PKHD1: variants seen among roughly 807,000 people sequenced by gnomAD.
PKHD1 encodes fibrocystin.
A neutral mutation model predicts 412.0 loss-of-function variants in PKHD1; 291 were observed. The ratio of observed to expected loss-of-function variants is 0.71; its 90% CI spans 0.64 to 0.78. PKHD1 has a LOEUF of 0.78. PKHD1 is among the 30% of genes least tolerant of loss of function. The probability of loss-of-function intolerance (pLI) is 0.00; values close to 1 mark genes in which losing one functional copy is unlikely to be tolerated. For synonymous variants in PKHD1, 1,777 were observed against 1,821.5 expected, an observed-to-expected ratio of 0.98 and a Z score of 0.62; for missense variants, 4,825 against 4,950.7, an observed-to-expected ratio of 0.97 and a Z score of 0.76.
chr6:51,619,272 C>T lies in PKHD1; in HGVS notation c.12034G>A (p.Ala4012Thr), dbSNP rs2150239853. 6.2e-7 allele frequency: 1 copy of T among 1,614,258 alleles called. No homozygotes were observed. The highest frequency in any genetic ancestry group is 1.1e-5 in the South Asian group (1 of 91,088). Residue 4012 changes from alanine to threonine, a missense_variant, in exon 67 of 67, where the codon GCA becomes ACA. Coordinates refer to ENST00000371117, the MANE Select transcript of PKHD1 (RefSeq NM_138694.4). ...GQEQLLRYQL[A>T]GQNQLLLLCP... ...AGCAGCAGCAGCTGATTTTGGCCTG[C>T]CAGCTGGTATCTGAGCAACTGCTCT...
At chr6:51,894,512 C>G (rs1404131270) in intron 43 of PKHD1, among the ~76,000 whole-genome samples, 1 of 152,208 alleles carries the variant, frequency 6.6e-6, no homozygotes, top group Non-Finnish European at 1.5e-5. Flanking sequence ...AGTGAACTAG[C>G]AAGGTGACTG....
rs116529217 is a variant in PKHD1, at chr6:51,845,781, T to C, written c.8107+1994A>G. Reference sequence around the variant, plus strand: ...GCTATTAATTCAATTAATAATGCTATCATAAGGGAAGAAAATCTATAGCTG... The same window carrying C: ...GCTATTAATTCAATTAATAATGCTACCATAAGGGAAGAAAATCTATAGCTG... On this transcript the variant is annotated intron_variant, in intron 50 of 66. Transcript: ENST00000371117. 2.5e-3 allele frequency among the ~76,000 whole-genome samples: 381 copies of C among 152,340 alleles called. 4 individuals carry two copies. The highest frequency in any genetic ancestry group is 8.2e-3 in the African/African-American group (341 of 41,584).
At chr6:52,013,027 C>G (rs534561644) in intron 34 of PKHD1, among the ~76,000 whole-genome samples, 93 of 152,146 alleles carry the variant, frequency 6.1e-4, no homozygotes, top group Admixed American at 9.2e-4. Context: ...TTATGTGACC[C>G]CTTCTCATGG....
In PKHD1 at chr6:51,768,599, A is replaced by G. The variant is rs114201180; in HGVS notation, c.8642+4103T>C. On this transcript the variant is annotated intron_variant, in intron 55 of 66. Transcript: ENST00000371117. ...TTTTCAGATAATTCTCTAGTTTTAT[A>G]GGATGAAATATCCATTTTATAAACC... 5.9e-3 allele frequency among the ~76,000 whole-genome samples: 903 copies of G among 152,138 alleles called. 9 individuals carry two copies. The highest frequency in any genetic ancestry group is 0.018 in the African/African-American group (744 of 41,580).
chr6:51,991,162 T>G (rs1042427950), intron 35 of PKHD1, among the ~76,000 whole-genome samples: 5 of 152,186 alleles, frequency 3.3e-5, no homozygotes, highest in Non-Finnish European at 5.9e-5. Context: ...CTTCACTTAT[T>G]TGGGTCTCCA....
intron 53 of PKHD1, among the ~76,000 whole-genome samples, chr6:51,781,976 A>G (rs1792091029): frequency 1.3e-5 from 2 of 151,774 alleles, no homozygotes; most frequent in South Asian, 4.1e-4. Context: ...AAAAAAAATC[A>G]TTCATTCATT....
chr6:51,743,200 A>G (rs1784778334), intron 60 of PKHD1, among the ~76,000 whole-genome samples: 1 of 152,162 alleles, frequency 6.6e-6, no homozygotes, highest in Non-Finnish European at 1.5e-5. Context: ...TAGAAGAAAG[A>G]AGACCAGCAA....
At chr6:51,988,700 A>G (rs1796504829) in intron 35 of PKHD1, among the ~76,000 whole-genome samples, 1 of 152,226 alleles carries the variant, frequency 6.6e-6, no homozygotes, top group Admixed American at 6.5e-5. Flanking sequence ...GATCCATTTA[A>G]AACTCAAAAA....
At chr6:51,927,907 G>T (rs1785933189) in intron 37 of PKHD1, among the ~76,000 whole-genome samples, 1 of 151,922 alleles carries the variant, frequency 6.6e-6, no homozygotes, top group Admixed American at 6.6e-5. Flanking sequence ...CCCAAGTGGG[G>T]CTTCCACATT....
rs781101323 is a variant in PKHD1 at position 51,619,237 on chromosome 6, G to A, written c.12069C>T (p.Asp4023=). The A allele has an allele frequency of 1.2e-6, 2 of 1,614,264 alleles. No homozygotes were observed. Among genetic ancestry groups the A allele is most frequent in the Non-Finnish European group, 1.7e-6 (2 of 1,180,046 alleles). ...GQNQLLLLCP[D]FRQERQQLPG... ...GCAACTGCTGCCTCTCTTGTCTGAA[G>A]TCTGGGCATAGCAGCAGCAGCTGAT... Residue 4023 remains aspartate, a synonymous_variant, in exon 67 of 67, where the codon GAC becomes GAT. Transcript: ENST00000371117.
chr6:51,668,219 C>T (rs1774203603), intron 60 of PKHD1, among the ~76,000 whole-genome samples: 1 of 151,966 alleles, frequency 6.6e-6, no homozygotes, highest in African/African-American at 2.4e-5. Context: ...TCTTTTATTT[C>T]ATTGAGCAGT....
chr6:51,688,511 A>G (rs1031385352), intron 60 of PKHD1, among the ~76,000 whole-genome samples: 1 of 141,090 alleles, frequency 7.1e-6, no homozygotes, highest in Non-Finnish European at 1.6e-5. Context: ...AAACACACAC[A>G]AAAAAAAAAA....
At chr6:51,881,862 G>A (rs140108547) in intron 46 of PKHD1, among the ~76,000 whole-genome samples, 1 of 152,156 alleles carries the variant, frequency 6.6e-6, no homozygotes, top group East Asian at 1.9e-4. Flanking sequence ...TTCCACCAGG[G>A]GACTCTTGTC....
intron 64 of PKHD1, among the ~76,000 whole-genome samples, chr6:51,637,703 A>C (rs1768765947): frequency 6.6e-6 from 1 of 152,084 alleles, no homozygotes; most frequent in South Asian, 2.1e-4. Context: ...CAGAAATTCG[A>C]GACCAGCCTG....
chr6:52,030,129 G>C (rs1423510100), intron 29 of PKHD1, among the ~76,000 whole-genome samples: 2 of 152,210 alleles, frequency 1.3e-5, no homozygotes, highest in Non-Finnish European at 2.9e-5. Flanking sequence ...GTATCTATGG[G>C]ATGCCACGGC....
chr6:51,978,166 A>G (rs556601300), intron 35 of PKHD1, among the ~76,000 whole-genome samples: 14 of 152,242 alleles, frequency 9.2e-5, no homozygotes, highest in African/African-American at 2.9e-4. Flanking sequence ...AAGGAAGGAG[A>G]TGGAGAGAAG....
chr6:51,987,140 TGAG>T (rs1170368754), intron 35 of PKHD1, among the ~76,000 whole-genome samples: 2 of 152,224 alleles, frequency 1.3e-5, no homozygotes, highest in Non-Finnish European at 2.9e-5. Context: ...CCTCCAGGGT[TGAG>T]GGCACAGCAG....
intron 35 of PKHD1, among the ~76,000 whole-genome samples, chr6:51,961,548 T>C (rs1443112866): frequency 6.6e-6 from 1 of 152,108 alleles, no homozygotes; most frequent in African/African-American, 2.4e-5. Flanking sequence ...ATGATTTCAC[T>C]ATAGGACTAG....
chr6:51,978,655 C>T (rs1307671068), intron 35 of PKHD1, among the ~76,000 whole-genome samples: 1 of 152,106 alleles, frequency 6.6e-6, no homozygotes, highest in Non-Finnish European at 1.5e-5. Context: ...TCAGGTGCTA[C>T]CAAGCAGGAG....
Sources: allele counts gnomAD v4.1 joint callset (sites outside exome capture counted in the v4.1 genomes callset), GRCh38; gene constraint gnomAD v4.1.1; transcripts MANE v1.5; gene names NCBI Gene and HGNC (gene_info 2026-07-23, HGNC 2026-07-21).